Variants in ROBO2 observed in about 807,000 individuals in gnomAD.
The protein encoded by ROBO2 is roundabout guidance receptor 2.
Under a neutral mutation model 160.8 loss-of-function variants are expected in ROBO2, and 53 were observed. The ratio of observed to expected loss-of-function variants is 0.33; its 90% CI spans 0.26 to 0.41. The LOEUF is 0.41. ROBO2 is among the 10% of genes least tolerant of loss of function. The probability of loss-of-function intolerance (pLI) is 1.00; values close to 1 mark genes in which losing one functional copy is unlikely to be tolerated. For missense variants in ROBO2, 1,577 were observed against 1,722.4 expected, an observed-to-expected ratio of 0.92 and a Z score of 1.49; for synonymous variants, 664 against 611.7, an observed-to-expected ratio of 1.09 and a Z score of -1.26.
intron 2 of ROBO2, among the ~76,000 whole-genome samples, chr3:76,080,053 T>G (rs2068771435): frequency 6.6e-6 from 1 of 152,178 alleles, no homozygotes; most frequent in African/African-American, 2.4e-5. Context: ...TTCCCTTTTG[T>G]GTAGAAACAT....
exon 26 of ROBO2, chr3:77,647,459 A>T (rs139180727): frequency 6.6e-6 from 1 of 152,280 alleles, no homozygotes; most frequent in African/African-American, 2.4e-5. Flanking sequence ...AGGAGAAAAA[A>T]ATGCATGTTT....
chr3:77,607,948 A>G (rs748436203), exon 21 of ROBO2: 1 of 1,613,950 alleles, frequency 6.2e-7, no homozygotes, highest in Non-Finnish European at 8.5e-7. Flanking sequence ...GAACAACAAG[A>G]AAATGGGTAA....
At chr3:76,001,454 T>C (rs2107564798) in intron 2 of ROBO2, among the ~76,000 whole-genome samples, 1 of 152,334 alleles carries the variant, frequency 6.6e-6, no homozygotes, top group African/African-American at 2.4e-5. Context: ...AATTTTCTTC[T>C]CATTGAAACT....
intron 2 of ROBO2, among the ~76,000 whole-genome samples, chr3:77,397,251 C>T (rs1209327323): frequency 6.6e-6 from 1 of 152,038 alleles, no homozygotes; most frequent in Non-Finnish European, 1.5e-5. Context: ...ATTTGTTGCA[C>T]CCTACCAAAA....
intron 2 of ROBO2, among the ~76,000 whole-genome samples, chr3:76,034,078 C>G (rs2067017827): frequency 6.6e-6 from 1 of 152,112 alleles, no homozygotes; most frequent in Non-Finnish European, 1.5e-5. Context: ...TGGCAAACAC[C>G]TTAGAAAAGG....
intron 2 of ROBO2, among the ~76,000 whole-genome samples, chr3:76,880,881 A>G (rs2073268877): frequency 6.6e-6 from 1 of 152,184 alleles, no homozygotes; most frequent in African/African-American, 2.4e-5. Flanking sequence ...GGACTATTTT[A>G]AGATAGGAAT....
intron 2 of ROBO2, among the ~76,000 whole-genome samples, chr3:76,107,165 G>T (rs544203203): frequency 6.6e-6 from 1 of 152,090 alleles, no homozygotes; most frequent in Non-Finnish European, 1.5e-5. Flanking sequence ...GAAGAAACTG[G>T]CAGGTATTTG....
chr3:77,499,500 A>C (rs530561254), intron 5 of ROBO2, among the ~76,000 whole-genome samples: 1 of 152,292 alleles, frequency 6.6e-6, no homozygotes, highest in African/African-American at 2.4e-5. Flanking sequence ...GGTGGCATTT[A>C]TTAATAATGC....
At chr3:76,868,579 T>C (rs548870836) in intron 2 of ROBO2, among the ~76,000 whole-genome samples, 1 of 152,236 alleles carries the variant, frequency 6.6e-6, no homozygotes, top group Non-Finnish European at 1.5e-5. Flanking sequence ...GTTGCCTCTG[T>C]TGCTAAAATA....
intron 2 of ROBO2, among the ~76,000 whole-genome samples, chr3:77,386,967 A>G (rs928694777): frequency 1.3e-5 from 2 of 152,008 alleles, no homozygotes; most frequent in African/African-American, 2.4e-5. Flanking sequence ...CAGAGTTTGA[A>G]GTATTTCTGA....
intron 2 of ROBO2, among the ~76,000 whole-genome samples, chr3:76,024,960 A>G (rs1339309997): frequency 3.3e-5 from 5 of 150,170 alleles, no homozygotes; most frequent in African/African-American, 4.9e-5. Context: ...TATTATATAT[A>G]TGTGTGTATA....
At chr3:77,610,333 A>G (rs1218206663) in intron 21 of ROBO2, among the ~76,000 whole-genome samples, 1 of 151,982 alleles carries the variant, frequency 6.6e-6, no homozygotes, top group Non-Finnish European at 1.5e-5. Context: ...TGCTCTCCAT[A>G]CTTATTAGAG....
At chr3:76,493,141 G>C (rs1352457226) in intron 2 of ROBO2, among the ~76,000 whole-genome samples, 1 of 151,642 alleles carries the variant, frequency 6.6e-6, no homozygotes, top group African/African-American at 2.4e-5. Context: ...AAAGTAGGTA[G>C]AAATGTATTT....
chr3:76,421,791 G>A (rs2076007216), intron 2 of ROBO2, among the ~76,000 whole-genome samples: 2 of 152,256 alleles, frequency 1.3e-5, no homozygotes, highest in African/African-American at 4.8e-5. Context: ...AATAATGTGG[G>A]ATTGGGACAG....
chr3:76,807,540 A>G (rs947773940), intron 2 of ROBO2, among the ~76,000 whole-genome samples: 2 of 152,060 alleles, frequency 1.3e-5, no homozygotes, highest in Non-Finnish European at 2.9e-5. Flanking sequence ...TCAAAAATTG[A>G]ATATTACCTC....
At chr3:76,742,534 A>G (rs2093819226) in intron 2 of ROBO2, among the ~76,000 whole-genome samples, 1 of 152,164 alleles carries the variant, frequency 6.6e-6, no homozygotes, top group African/African-American at 2.4e-5. Context: ...AAGAGGTAAG[A>G]GCATATTTCA....
chr3:76,576,923 T>G (rs573571904), intron 2 of ROBO2, among the ~76,000 whole-genome samples: 1 of 152,136 alleles, frequency 6.6e-6, no homozygotes, highest in Admixed American at 6.6e-5. Context: ...AGGGACACTA[T>G]ACCTTGTAAA....
chr3:77,232,619 A>T (rs2087376389), intron 2 of ROBO2, among the ~76,000 whole-genome samples: 1 of 152,098 alleles, frequency 6.6e-6, no homozygotes, highest in Non-Finnish European at 1.5e-5. Context: ...ATTACCCAGG[A>T]TTGAGGGAGG....
At position 76,357,402 on chromosome 3, in the gene ROBO2, G is replaced by A. The variant is rs146071201; in HGVS notation, c.109+419800G>A. ...AGTTACTGGAACATGCAACAATATC[G>A]ATGAACCTCAAAAATGTAAAGAAAA... On this transcript the variant is annotated intron_variant, in intron 2 of 26. Transcript: ENST00000487694. Among the ~76,000 whole-genome samples, 185 of 151,918 alleles carry A rather than the reference G, an allele frequency of 1.2e-3. 1 individual carries two copies. Among genetic ancestry groups the A allele is most frequent in the African/African-American group, 4.2e-3 (173 of 41,470 alleles).
Sources: allele counts gnomAD v4.1 joint callset (sites outside exome capture counted in the v4.1 genomes callset), GRCh38; gene constraint gnomAD v4.1.1; transcripts MANE v1.5; gene names NCBI Gene and HGNC (gene_info 2026-07-23, HGNC 2026-07-21).